SPAM1: variants seen among roughly 807,000 people sequenced by gnomAD.
SPAM1 encodes the protein sperm adhesion molecule 1.
In SPAM1, 22 loss-of-function variants were observed where a neutral mutation model predicts 29.6. The ratio of observed to expected loss-of-function variants is 0.74; its 90% CI spans 0.53 to 1.06. The LOEUF (loss-of-function observed/expected upper bound fraction) is 1.06, where lower values mean the gene tolerates loss of function less well. Ranked by LOEUF, SPAM1 falls within the 50% of genes least tolerant of loss-of-function variation. The pLI, the probability that SPAM1 is intolerant of heterozygous loss-of-function variation, is 0.00. For missense variants in SPAM1, 534 were observed against 604.0 expected (o/e 0.88, Z 1.21); for synonymous variants, 194 against 204.6 (o/e 0.95, Z 0.44).
rs971426407 is a variant in SPAM1, at chr7:123,959,710, A to C, written c.1271A>C (p.Glu424Ala). The change falls in exon 5 of 5, where the codon GAA becomes GCA. Residue 424 changes from glutamate to alanine, a missense_variant. Transcript: ENST00000682466. The part of the protein sequence containing the change: ...KFTVRGKPTL[E>A]DLEQFSEKFY... ...ACAGTACGTGGAAAACCGACACTTG[A>C]AGACCTGGAGCAATTTTCTGAAAAA... is the stretch of plus-strand genomic sequence containing the variant. 1 of 1,613,322 alleles carries C rather than the reference A, an allele frequency of 6.2e-7. No individual in the cohort carries two copies. Among genetic ancestry groups the C allele is most frequent in the Admixed American group, 1.7e-5 (1 of 59,856 alleles).
chr7:123,970,611 T>TAATAATA lies in SPAM1; in HGVS notation c.*48+316_*48+317insATAATAA, dbSNP rs1554432387. ...CTCTACAAATAATAATAATAATAAT[T>TAATAATA]ATTATTATTATTATAGTAAGGCACT... On this transcript the variant is annotated intron_variant, in intron 6 of 6. Coordinates refer to the SPAM1 transcript ENST00000340011. 7.9e-3 allele frequency among the ~76,000 whole-genome samples: 802 copies of TAATAATA among 102,108 alleles called. 4 individuals are homozygous for TAATAATA. The highest frequency in any genetic ancestry group is 0.025 in the African/African-American group (601 of 23,882). The allele number at this position is 102,108 out of a possible 152,430, so 67.0% of individuals were successfully genotyped here.
intron 2 of SPAM1, among the ~76,000 whole-genome samples, chr7:123,951,436 TAACTTC>T (rs757446328): frequency 3.4e-4 from 51 of 152,172 alleles, no homozygotes; most frequent in Non-Finnish European, 6.5e-4. Flanking sequence ...TTCTTGATGC[TAACTTC>T]TAGGTCTAAT....
chr7:123,955,090 A>T lies in SPAM1; in HGVS notation c.1044+4A>T. 2 of 1,577,344 alleles carry T rather than the reference A, an allele frequency of 1.3e-6. No homozygotes were observed. Among genetic ancestry groups the T allele is most frequent in the South Asian group, 1.1e-5 (1 of 90,110 alleles). ...CCTCAGTATAATGCGAAGTATGGTA[A>T]GTTGAATTGGTAGAAAATAGGTGAA... On this transcript the variant is annotated splice_donor_region_variant and intron_variant, in intron 4 of 4. Coordinates refer to ENST00000682466, the MANE Select transcript of SPAM1 (RefSeq NM_153189.3).
intron 1 of SPAM1, among the ~76,000 whole-genome samples, chr7:123,940,694 C>T (rs1432404007): frequency 6.6e-6 from 1 of 151,938 alleles, no homozygotes; most frequent in East Asian, 1.9e-4. Context: ...GGGGGTCTTC[C>T]TATGTTGCCC....
chr7:123,968,438 G>A (rs140086384), intron 5 of SPAM1, among the ~76,000 whole-genome samples: 2 of 152,090 alleles, frequency 1.3e-5, no homozygotes, highest in African/African-American at 4.8e-5. Context: ...CTTCAGTCTG[G>A]TCTGGAGTAA....
intron 2 of SPAM1, among the ~76,000 whole-genome samples, chr7:123,950,331 G>A (rs1482872342): frequency 2.6e-5 from 4 of 151,986 alleles, no homozygotes; most frequent in Admixed American, 2.6e-4. Flanking sequence ...TTGCATAATG[G>A]TAGGGTTTGG....
Position 123,954,122 on chromosome 7 carries a change from C to T in SPAM1, c.552C>T (p.Ala184=). 1 of 1,612,748 alleles carries T rather than the reference C, an allele frequency of 6.2e-7. No individual in the cohort carries two copies. The highest frequency in any genetic ancestry group is 8.5e-7 in the Non-Finnish European group (1 of 1,179,488). ...QQNVQLSLTE[A]TEKAKQEFEK... is the part of the protein sequence containing the mutation. ...ATGTACAACTTAGTCTCACAGAGGCCACTGAGAAAGCAAAACAAGAATTTG... is the reference window on the plus strand; with the variant it reads ...ATGTACAACTTAGTCTCACAGAGGCTACTGAGAAAGCAAAACAAGAATTTG... The change falls in exon 3 of 5, where the codon GCC becomes GCT. Residue 184 remains alanine (A), a synonymous_variant. Transcript: ENST00000682466.
chr7:123,960,420 A>G (rs776386770), downstream of SPAM1, among the ~76,000 whole-genome samples: 1 of 151,994 alleles, frequency 6.6e-6, no homozygotes, highest in Non-Finnish European at 1.5e-5. Context: ...TCTGCTCAGA[A>G]TCAAGAGAGA....
At position 123,954,444 on chromosome 7, in the gene SPAM1, C is replaced by T. The variant is rs185873814; in HGVS notation, c.874C>T (p.Pro292Ser). ...VREAIRVSKI[P>S]DAKSPLPVFA... ...GGAAGCCATCAGAGTTTCCAAAATACCTGATGCAAAAAGTCCACTTCCGGT... is the reference window on the plus strand; with the variant it reads ...GGAAGCCATCAGAGTTTCCAAAATATCTGATGCAAAAAGTCCACTTCCGGT... The change falls in exon 3 of 5, where the codon CCT becomes TCT. Residue 292 changes from proline to serine, a missense_variant. By Grantham distance (74) the Pro-to-Ser change is moderately conservative (BLOSUM62 -1). Coordinates refer to ENST00000682466, the MANE Select transcript of SPAM1 (RefSeq NM_153189.3). The T allele has an allele frequency of 4.2e-5, 68 of 1,613,254 alleles. No homozygotes were observed. In the Middle Eastern group the frequency reaches 5.0e-4, roughly 12 times the overall value.
At chr7:123,925,376 A>G (rs1387741762) in intron 1 of SPAM1, 24 bp downstream of exon 1, 5 of 152,138 alleles carry the variant, frequency 3.3e-5, no homozygotes, top group Non-Finnish European at 5.9e-5. Context: ...CTTTTTCTAA[A>G]AATCTTGATG....
At chr7:123,946,477 C>G (rs1763448616) in intron 1 of SPAM1, among the ~76,000 whole-genome samples, 1 of 152,122 alleles carries the variant, frequency 6.6e-6, no homozygotes, top group South Asian at 2.1e-4. Flanking sequence ...TGAGATATGT[C>G]TTAATACATT....
At position 123,954,048 on chromosome 7, in the gene SPAM1, C is replaced by T. The variant is rs753223224; in HGVS notation, c.478C>T (p.Pro160Ser). 1 of 1,613,334 alleles carries T rather than the reference C, an allele frequency of 6.2e-7. No homozygotes were observed. The highest frequency in any genetic ancestry group is 8.5e-7 in the Non-Finnish European group (1 of 1,179,710). Residue 160 changes from proline to serine, a missense_variant, in exon 3 of 5, where the codon CCT becomes TCT. Transcript: ENST00000682466. ...ACCCACTTGGGCAAGAAACTGGAAA[C>T]CTAAAGATGTTTACAAGAATAGGTC... ...WRPTWARNWK[P>S]KDVYKNRSIE... is the part of the protein sequence containing the mutation.
intron 1 of SPAM1, among the ~76,000 whole-genome samples, chr7:123,933,170 GT>G (rs1808139768): frequency 6.6e-6 from 1 of 151,644 alleles, no homozygotes; most frequent in Admixed American, 6.6e-5. Context: ...TGTTATCTAG[GT>G]TTTAAGCCTC....
intron 1 of SPAM1, among the ~76,000 whole-genome samples, chr7:123,940,463 A>G (rs1808395791): frequency 6.6e-6 from 1 of 151,814 alleles, no homozygotes; most frequent in African/African-American, 2.4e-5. Context: ...AATACAACAT[A>G]ATTAGTATTG....
At chr7:123,949,430 T>A (rs1192974472) in intron 1 of SPAM1, among the ~76,000 whole-genome samples, 2 of 152,146 alleles carry the variant, frequency 1.3e-5, no homozygotes, top group South Asian at 4.1e-4. Flanking sequence ...ACTGTGTGTA[T>A]TTTTGTATTT....
At chr7:123,962,495 A>G (rs889132188), downstream of SPAM1, among the ~76,000 whole-genome samples, 2 of 151,934 alleles carry the variant, frequency 1.3e-5, no homozygotes, top group East Asian at 3.9e-4. Flanking sequence ...TTCCTTTGCC[A>G]TGCAGAAGCT....
chr7:123,929,681 G>A (rs551245084), intron 1 of SPAM1, among the ~76,000 whole-genome samples: 1 of 152,108 alleles, frequency 6.6e-6, no homozygotes, highest in African/African-American at 2.4e-5. Flanking sequence ...CAGCTGATGG[G>A]GTCTGATTAT....
chr7:123,969,140 G>T (rs73228010), intron 5 of SPAM1, among the ~76,000 whole-genome samples: 3,636 of 151,874 alleles, frequency 0.024, 47 homozygotes, highest in Middle Eastern at 0.078. Context: ...GGATTATTTG[G>T]TTTTTTACTG....
chr7:123,945,058 A>G (rs1048370464), intron 1 of SPAM1, among the ~76,000 whole-genome samples: 8 of 152,018 alleles, frequency 5.3e-5, no homozygotes, highest in Admixed American at 3.3e-4. Context: ...GGTTGTCCTG[A>G]ACATCCCTCT....
Sources: allele counts gnomAD v4.1 joint callset (sites outside exome capture counted in the v4.1 genomes callset), GRCh38; gene constraint gnomAD v4.1.1; transcripts MANE v1.5; gene names NCBI Gene and HGNC (gene_info 2026-07-23, HGNC 2026-07-21).